Variants in SPPL3 observed in about 807,000 individuals in gnomAD.
The protein encoded by SPPL3 is signal peptide peptidase-like 3.
A neutral mutation model predicts 42.4 loss-of-function variants in SPPL3; 5 were observed. That is an observed-to-expected ratio of 0.12 (90% confidence interval 0.06 to 0.25). SPPL3 has a LOEUF of 0.25. SPPL3 is among the 10% of genes least tolerant of loss of function. The pLI is 1.00. For synonymous variants in SPPL3, 195 were observed against 181.8 expected, an observed-to-expected ratio of 1.07 and a Z score of -0.58; for missense variants, 235 against 489.0, an observed-to-expected ratio of 0.48 and a Z score of 4.90.
At chr12:120,884,549 TTA>T (rs1873389885) in intron 1 of SPPL3, among the ~76,000 whole-genome samples, 1 of 89,192 alleles carries the variant, frequency 1.1e-5, no homozygotes. Context: ...CTTGTATAAT[TTA>T]AAAAAAAAAA....
chr12:120,825,098 C>G (rs577145756), intron 1 of SPPL3, among the ~76,000 whole-genome samples: 3 of 151,404 alleles, frequency 2.0e-5, no homozygotes, highest in Admixed American at 6.6e-5. Context: ...CAAATGGAAT[C>G]TTAATTACTA....
intron 1 of SPPL3, among the ~76,000 whole-genome samples, chr12:120,823,623 C>CTCCA (rs1470302003): frequency 6.6e-6 from 1 of 152,168 alleles, no homozygotes; most frequent in African/African-American, 2.4e-5. Flanking sequence ...TTACTTCTTA[C>CTCCA]TCCACATCTC....
intron 1 of SPPL3, among the ~76,000 whole-genome samples, chr12:120,818,360 T>A (rs949126709): frequency 6.6e-6 from 1 of 152,190 alleles, no homozygotes; most frequent in Non-Finnish European, 1.5e-5. Flanking sequence ...AGACCACTAA[T>A]TCTTTAACTA....
intron 1 of SPPL3, among the ~76,000 whole-genome samples, chr12:120,813,886 G>A (rs1191053555): frequency 6.6e-6 from 1 of 151,986 alleles, no homozygotes. Flanking sequence ...TTTTGCTTCT[G>A]CAAAAGCTTT....
chr12:120,843,723 T>C (rs531936598), intron 1 of SPPL3, among the ~76,000 whole-genome samples: 1 of 151,978 alleles, frequency 6.6e-6, no homozygotes, highest in Non-Finnish European at 1.5e-5. Context: ...GTGGCTGAGG[T>C]GGGTGGATCG....
chr12:120,793,265 T>TTC (rs1333212887), intron 2 of SPPL3, among the ~76,000 whole-genome samples: 2 of 152,134 alleles, frequency 1.3e-5, no homozygotes, highest in African/African-American at 4.8e-5. Context: ...ATCCCAGCAC[T>TTC]TTGAGAGGCT....
intron 2 of SPPL3, among the ~76,000 whole-genome samples, chr12:120,796,738 A>G (rs1187023574): frequency 6.6e-6 from 1 of 152,186 alleles, no homozygotes; most frequent in Non-Finnish European, 1.5e-5. Flanking sequence ...TTGAGGCAAG[A>G]TCTGAGTACT....
intron 1 of SPPL3, among the ~76,000 whole-genome samples, chr12:120,821,440 A>T (rs767059223): frequency 6.6e-6 from 1 of 152,244 alleles, no homozygotes; most frequent in Non-Finnish European, 1.5e-5. Flanking sequence ...AAGGGAAAGA[A>T]ATTAGGCAAC....
At position 120,773,454 on chromosome 12, in the gene SPPL3, G is replaced by A. The variant is rs147901013; in HGVS notation, c.503-4395C>T. Among the ~76,000 whole-genome samples the A allele has an allele frequency of 1.7e-3, 263 of 152,276 alleles. 1 individual carries two copies. The highest frequency in any genetic ancestry group is 6.1e-3 in the African/African-American group (252 of 41,558). On this transcript the variant is annotated intron_variant, in intron 6 of 10. Transcript: ENST00000353487. ...AAGAAAGTAACAGAAGGCCTAGGAT[G>A]GACAGACGGGAGACAGGAGTCTGCG...
chr12:120,799,700 G>T (rs1870224006), intron 2 of SPPL3, among the ~76,000 whole-genome samples: 1 of 152,184 alleles, frequency 6.6e-6, no homozygotes, highest in South Asian at 2.1e-4. Context: ...TTGGTTGTTA[G>T]AAGCAGACCA....
At chr12:120,791,184 G>C (rs374117566) in intron 3 of SPPL3, among the ~76,000 whole-genome samples, 5 of 152,136 alleles carry the variant, frequency 3.3e-5, no homozygotes, top group African/African-American at 1.2e-4. Flanking sequence ...TCTTTCAAAA[G>C]ATCTAACAGA....
At chr12:120,841,782 A>G (rs959029993) in intron 1 of SPPL3, among the ~76,000 whole-genome samples, 6 of 152,232 alleles carry the variant, frequency 3.9e-5, no homozygotes, top group African/African-American at 7.2e-5. Context: ...GGTCAAACAC[A>G]GAGTGGTAAC....
intron 1 of SPPL3, among the ~76,000 whole-genome samples, chr12:120,853,942 A>T (rs1727849930): frequency 6.6e-6 from 1 of 150,878 alleles, no homozygotes; most frequent in Admixed American, 6.6e-5. Context: ...ACCCAAAACC[A>T]CATGAAAACA....
At chr12:120,768,253 A>C in intron 8 of SPPL3, 72 bp downstream of exon 8, 1 of 1,528,998 alleles carries the variant, frequency 6.5e-7, no homozygotes, top group South Asian at 1.3e-5. Flanking sequence ...TGATGACATT[A>C]GAGACTGATC....
chr12:120,790,672 C>T (rs1037893422), intron 3 of SPPL3, among the ~76,000 whole-genome samples: 5 of 152,172 alleles, frequency 3.3e-5, no homozygotes, highest in Non-Finnish European at 7.3e-5. Flanking sequence ...TATGCTCTTT[C>T]TACATGGATA....
intron 1 of SPPL3, among the ~76,000 whole-genome samples, chr12:120,878,698 T>C (rs576992164): frequency 3.1e-4 from 47 of 152,338 alleles, no homozygotes; most frequent in African/African-American, 9.6e-4. Context: ...GTAAGAAGTA[T>C]TGCTGGTCAA....
At position 120,767,602 on chromosome 12, in the gene SPPL3, C is replaced by A. The variant is rs765897674; in HGVS notation, c.774-9G>T. 6.2e-7 allele frequency: 1 copy of A among 1,613,768 alleles called. No individual in the cohort carries two copies. Among genetic ancestry groups the A allele is most frequent in the Admixed American group, 1.7e-5 (1 of 60,016 alleles). ...AGTGGCTGCCAGTGGAGCTGGAATG[C>A]AGTTTCACAGGTTAGTGACGTCACA... On this transcript the variant is annotated splice_polypyrimidine_tract_variant and intron_variant, in intron 8 of 10. Transcript: ENST00000353487.
chr12:120,839,912 T>C (rs1324321416), intron 1 of SPPL3, among the ~76,000 whole-genome samples: 13 of 151,468 alleles, frequency 8.6e-5, no homozygotes, highest in Admixed American at 8.5e-4. Context: ...AAGGCAGAAA[T>C]AACCCAATGT....
At chr12:120,878,807 T>C (rs189318359) in intron 1 of SPPL3, among the ~76,000 whole-genome samples, 57 of 152,148 alleles carry the variant, frequency 3.7e-4, no homozygotes, top group Middle Eastern at 6.8e-3. Flanking sequence ...TTGCATTCCT[T>C]GTAGGGTTAA....
Sources: gnomAD v4.1 joint callset for allele counts (sites outside exome capture counted in the v4.1 genomes callset) on GRCh38, gnomAD v4.1.1 for gene constraint, MANE v1.5 for transcripts, NCBI Gene and HGNC (gene_info 2026-07-23, HGNC 2026-07-21) for gene names.